The following CDKL1 variants were observed in gnomAD, a reference collection of about 807,000 sequenced individuals.
CDKL1 encodes cyclin dependent kinase like 1, also known as cyclin-dependent kinase-like 1.
In CDKL1, 41 loss-of-function variants were observed where a neutral mutation model predicts 42.0. That is an observed-to-expected ratio of 0.98 (90% confidence interval 0.76 to 1.27). CDKL1 has a LOEUF of 1.27. CDKL1 is among the 50% of genes most tolerant of loss of function. The pLI is 0.00. For missense variants in CDKL1, 394 were observed against 428.4 expected, an observed-to-expected ratio of 0.92 and a Z score of 0.71; for synonymous variants, 153 against 158.6, an observed-to-expected ratio of 0.96 and a Z score of 0.26.
chr14:50,347,509 G>C (rs2048224364), intron 3 of CDKL1, among the ~76,000 whole-genome samples: 1 of 152,158 alleles, frequency 6.6e-6, no homozygotes, highest in African/African-American at 2.4e-5. Context: ...GAGCTTCCAG[G>C]ATTTTCTGAG....
At chr14:50,337,300 T>C (rs1290503072) in intron 7 of CDKL1, among the ~76,000 whole-genome samples, 1 of 151,164 alleles carries the variant, frequency 6.6e-6, no homozygotes, top group African/African-American at 2.4e-5. Flanking sequence ...TGAGCCACCA[T>C]GCCCAGCCTA....
intron 3 of CDKL1, among the ~76,000 whole-genome samples, chr14:50,345,540 C>T (rs1405352641): frequency 1.3e-5 from 2 of 152,154 alleles, no homozygotes; most frequent in Non-Finnish European, 2.9e-5. Flanking sequence ...AGCAGCATTG[C>T]TGTTGTTTGT....
chr14:50,363,303 G>T, intron 2 of CDKL1: 1 of 174,820 alleles, frequency 5.7e-6, no homozygotes, highest in Non-Finnish European at 1.2e-5. Flanking sequence ...TTAGAACTGA[G>T]GGCACTCCAA....
intron 7 of CDKL1, chr14:50,336,024 T>C (rs1268061552): frequency 1.5e-6 from 2 of 1,366,486 alleles, no homozygotes; most frequent in Non-Finnish European, 2.0e-6. Flanking sequence ...TTTCTCTTGT[T>C]CTTTCTGTCG....
At chr14:50,352,300 A>T (rs1251673535) in intron 3 of CDKL1, among the ~76,000 whole-genome samples, 1 of 152,040 alleles carries the variant, frequency 6.6e-6, no homozygotes, top group Non-Finnish European at 1.5e-5. Context: ...AAATATTTTA[A>T]TAATAGAGCC....
chr14:50,358,059 C>T (rs2139446116), intron 3 of CDKL1: 1 of 1,355,812 alleles, frequency 7.4e-7, no homozygotes, highest in Non-Finnish European at 9.9e-7. Flanking sequence ...AGGAAGGGAC[C>T]CCCTCCTCCT....
intron 3 of CDKL1, among the ~76,000 whole-genome samples, chr14:50,355,874 T>C (rs1164654121): frequency 6.6e-6 from 1 of 152,128 alleles, no homozygotes; most frequent in Non-Finnish European, 1.5e-5. Context: ...AGGAATTTGG[T>C]AGGATGGGTC....
At chr14:50,378,115 G>A in intron 2 of CDKL1, 1 of 1,321,654 alleles carries the variant, frequency 7.6e-7, no homozygotes. Context: ...AAATTTCCCT[G>A]AACCTTCAGG....
rs1272586633 is a variant in CDKL1, at chr14:50,341,167, C to T, written c.520G>A (p.Val174Met). The T allele has an allele frequency of 1.2e-6, 2 of 1,614,182 alleles. No individual in the cohort carries two copies. The highest frequency in any genetic ancestry group is 1.7e-6 in the Non-Finnish European group (2 of 1,180,042). Residue 174 changes from valine to methionine, a missense_variant, in exon 6 of 10, where the codon GTG (valine) becomes ATG (methionine). Val to Met is a conservative substitution (Grantham distance 21). Transcript: ENST00000395834. ...GGGGGGCCGTACTGCGTGTCCCCCA[C>T]CAGCAGCTCAGGGGAGCGGTACCAC... ...TRWYRSPELL[V>M]GDTQYGPPVD...
At chr14:50,367,337 T>C (rs1278785567) in intron 2 of CDKL1, among the ~76,000 whole-genome samples, 2 of 152,200 alleles carry the variant, frequency 1.3e-5, no homozygotes, top group East Asian at 3.9e-4. Flanking sequence ...AGCCAGATTA[T>C]GTGGACTTAA....
intron 2 of CDKL1, chr14:50,380,115 GT>G (rs1281365400): frequency 1.9e-6 from 1 of 518,466 alleles, no homozygotes; most frequent in Non-Finnish European, 4.0e-6. Context: ...CCTCACATTG[GT>G]TCTATGACCT....
chr14:50,388,983 A>G (rs1038189119), intron 2 of CDKL1, among the ~76,000 whole-genome samples: 3 of 151,260 alleles, frequency 2.0e-5, no homozygotes, highest in Non-Finnish European at 1.5e-5. Flanking sequence ...CTGTAGTCCT[A>G]TCTACTGGGG....
chr14:50,362,039 G>C (rs931351716), intron 2 of CDKL1: 2 of 201,102 alleles, frequency 9.9e-6, no homozygotes, highest in Admixed American at 1.3e-4. Context: ...TGGCCCACAA[G>C]CCCCGGGCAG....
rs2033570264 is a variant in CDKL1 at position 50,342,219 on chromosome 14, T to C, written c.367A>G (p.Ile123Val). ...AVNFCHKHNC[I>V]HRDVKPENIL... Reference sequence around the variant, plus strand: ...TTTTCTGGCTTCACGTCTCTATGTATGCACTAGTGTAACAAATCAAAACAA... The same window carrying C: ...TTTTCTGGCTTCACGTCTCTATGTACGCACTAGTGTAACAAATCAAAACAA... The change falls in exon 5 of 10, where the codon ATA (isoleucine) becomes GTA (valine). Residue 123 changes from isoleucine to valine, a missense_variant. By Grantham distance (29) the Ile-to-Val change is conservative (BLOSUM62 3). Transcript: ENST00000395834. The C allele has an allele frequency of 2.5e-6, 4 of 1,612,498 alleles. No homozygotes were observed. Among genetic ancestry groups the C allele is most frequent in the Admixed American group, 3.3e-5 (2 of 60,014 alleles).
chr14:50,374,527 G>C (rs1314821053), intron 2 of CDKL1, among the ~76,000 whole-genome samples: 1 of 152,138 alleles, frequency 6.6e-6, no homozygotes, highest in Non-Finnish European at 1.5e-5. Context: ...CACCAAAGAG[G>C]GTAGAGGAAA....
At chr14:50,371,561 T>C (rs182443797) in intron 2 of CDKL1, among the ~76,000 whole-genome samples, 20 of 152,356 alleles carry the variant, frequency 1.3e-4, no homozygotes, top group Middle Eastern at 3.4e-3. Flanking sequence ...AGGCTTATTT[T>C]TTCCCCCTTT....
rs1198759815 is a variant in CDKL1 at position 50,328,373 on chromosome 14, G to A, written c.*1701C>T. The A allele has an allele frequency of 6.6e-6, 1 of 152,112 alleles. No individual in the cohort carries two copies. Among genetic ancestry groups the A allele is most frequent in the Non-Finnish European group, 1.5e-5 (1 of 68,022 alleles). 9.4% of individuals were successfully genotyped at this position (152,112 alleles called of 1,614,324 possible). A position where few individuals can be genotyped will look rare whatever the true frequency, so the allele number is the denominator to read the frequency against. The stretch of plus-strand genomic sequence containing the variant: ...AAAGACATACATTAGGAAGCCTTAG[G>A]ATATCATTAAACTGCCTAGGGTAGT... On this transcript the variant is annotated 3_prime_UTR_variant, in exon 10 of 10. Transcript: ENST00000395834.
chr14:50,342,745 C>T (rs1305313056), intron 4 of CDKL1: 10 of 536,270 alleles, frequency 1.9e-5, no homozygotes, highest in Non-Finnish European at 2.6e-5. Flanking sequence ...AGTTGTTTAA[C>T]TGTGAACAGA....
At chr14:50,353,238 C>G (rs2033956897) in intron 3 of CDKL1, among the ~76,000 whole-genome samples, 1 of 152,174 alleles carries the variant, frequency 6.6e-6, no homozygotes, top group Non-Finnish European at 1.5e-5. Context: ...CAAAATCAGA[C>G]AGACAGAAAT....
Sources: gnomAD v4.1 joint callset for allele counts (sites outside exome capture counted in the v4.1 genomes callset) on GRCh38, gnomAD v4.1.1 for gene constraint, MANE v1.5 for transcripts, NCBI Gene and HGNC (gene_info 2026-07-23, HGNC 2026-07-21) for gene names.